Variants in MALRD1 observed in about 807,000 individuals in gnomAD.
MALRD1 encodes the protein MAM and LDL-receptor class A domain-containing protein 1.
MALRD1 carries 247 observed loss-of-function variants against 242.1 expected under a neutral mutation model. The ratio of observed to expected loss-of-function variants is 1.02; its 90% CI spans 0.92 to 1.13. MALRD1 has a LOEUF of 1.13. Ranked by LOEUF, MALRD1 falls within the 50% of genes most tolerant of loss-of-function variation. MALRD1 has a pLI of 0.00. For synonymous variants in MALRD1, 995 were observed against 866.6 expected, an observed-to-expected ratio of 1.15 and a Z score of -2.60; for missense variants, 2,989 against 2,533.1, an observed-to-expected ratio of 1.18 and a Z score of -3.86.
intron 14 of MALRD1, among the ~76,000 whole-genome samples, chr10:19,182,005 G>A (rs1234593477): frequency 2.6e-5 from 4 of 151,972 alleles, no homozygotes; most frequent in African/African-American, 9.7e-5. Context: ...TAGAAAGTAG[G>A]TAAGTCCTCA....
intron 27 of MALRD1, among the ~76,000 whole-genome samples, chr10:19,388,677 C>T (rs967454434): frequency 6.6e-6 from 1 of 152,014 alleles, no homozygotes; most frequent in African/African-American, 2.4e-5. Flanking sequence ...GGGCATGGCT[C>T]ATTTTTGTAG....
At chr10:19,053,005 CT>C (rs1291612127) in intron 1 of MALRD1, among the ~76,000 whole-genome samples, 1 of 152,160 alleles carries the variant, frequency 6.6e-6, no homozygotes, top group Non-Finnish European at 1.5e-5. Flanking sequence ...AATCTCTGAC[CT>C]CCCTTGATTA....
chr10:19,349,280 C>T (rs1442301964), intron 25 of MALRD1, among the ~76,000 whole-genome samples: 2 of 152,292 alleles, frequency 1.3e-5, no homozygotes, highest in African/African-American at 2.4e-5. Flanking sequence ...CTTCTCTGTG[C>T]CTGTGTCCAC....
intron 29 of MALRD1, among the ~76,000 whole-genome samples, chr10:19,456,769 T>A (rs1040310219): frequency 6.7e-6 from 1 of 148,878 alleles, no homozygotes; most frequent in Non-Finnish European, 1.5e-5. Context: ...ATTTATTTAT[T>A]TATTTATTTA....
intron 31 of MALRD1, among the ~76,000 whole-genome samples, chr10:19,528,646 C>G (rs1834204127): frequency 6.6e-6 from 1 of 151,810 alleles, no homozygotes; most frequent in East Asian, 1.9e-4. Context: ...ATTTTGGCAG[C>G]CTTTATAAAG....
At chr10:19,276,375 T>TAGA (rs10687072) in intron 19 of MALRD1, among the ~76,000 whole-genome samples, 81,412 of 151,476 alleles carry the variant, frequency 0.54, 22,274 homozygotes, top group Admixed American at 0.66. Flanking sequence ...GCGATCAAAT[T>TAGA]AGATTATTTT....
intron 5 of MALRD1, among the ~76,000 whole-genome samples, chr10:19,110,150 T>C (rs1836624858): frequency 6.6e-6 from 1 of 152,226 alleles, no homozygotes. Flanking sequence ...TGCTTGTTTA[T>C]TCATTGTTTT....
intron 38 of MALRD1, among the ~76,000 whole-genome samples, chr10:19,714,462 T>C (rs1264510668): frequency 6.6e-6 from 1 of 152,090 alleles, no homozygotes; most frequent in Admixed American, 6.6e-5. Context: ...TGCATGTCTG[T>C]CTGCTAGGGT....
intron 18 of MALRD1, among the ~76,000 whole-genome samples, chr10:19,226,325 C>A (rs544914241): frequency 6.6e-6 from 1 of 152,206 alleles, no homozygotes; most frequent in African/African-American, 2.4e-5. Flanking sequence ...TAGAAAAGTA[C>A]ATTTTCAAAC....
At chr10:19,062,132 A>G (rs1458032690) in intron 1 of MALRD1, among the ~76,000 whole-genome samples, 2 of 152,208 alleles carry the variant, frequency 1.3e-5, no homozygotes, top group African/African-American at 4.8e-5. Flanking sequence ...ACATTTCTCA[A>G]AAAAATACAT....
At chr10:19,314,192 T>C (rs1842542696) in intron 21 of MALRD1, among the ~76,000 whole-genome samples, 1 of 151,572 alleles carries the variant, frequency 6.6e-6, no homozygotes, top group African/African-American at 2.4e-5. Context: ...GTATAACTTA[T>C]AACTTACTGG....
chr10:19,270,671 ATGAC>A (rs1372881004), intron 19 of MALRD1, among the ~76,000 whole-genome samples: 1 of 152,190 alleles, frequency 6.6e-6, no homozygotes, highest in Non-Finnish European at 1.5e-5. Context: ...AATTAGGCTG[ATGAC>A]TGACTGCTTA....
At chr10:19,612,762 C>T (rs553416271) in intron 35 of MALRD1, among the ~76,000 whole-genome samples, 77 of 151,922 alleles carry the variant, frequency 5.1e-4, no homozygotes, top group African/African-American at 1.6e-3. Flanking sequence ...AGAGAGAGAA[C>T]GGGAAGTGCT....
intron 5 of MALRD1, among the ~76,000 whole-genome samples, chr10:19,113,175 A>G (rs1836740180): frequency 6.6e-6 from 1 of 152,008 alleles, no homozygotes; most frequent in African/African-American, 2.4e-5. Flanking sequence ...ACAGACACCT[A>G]TGGCCAGGTC....
chr10:19,151,418 A>T (rs941768541), intron 11 of MALRD1, among the ~76,000 whole-genome samples: 15 of 152,134 alleles, frequency 9.9e-5, no homozygotes, highest in African/African-American at 3.6e-4. Flanking sequence ...TATCATAGCT[A>T]GGAACTTATA....
intron 26 of MALRD1, among the ~76,000 whole-genome samples, chr10:19,371,783 G>T (rs1272961387): frequency 6.6e-6 from 1 of 152,114 alleles, no homozygotes; most frequent in African/African-American, 2.4e-5. Context: ...TGAAACATTT[G>T]TATAATTGTT....
intron 36 of MALRD1, among the ~76,000 whole-genome samples, chr10:19,655,898 T>C (rs1406178379): frequency 6.6e-6 from 1 of 152,066 alleles, no homozygotes; most frequent in African/African-American, 2.4e-5. Flanking sequence ...ATTAAGTGTA[T>C]AGAATTTGAG....
At chr10:19,632,903 G>A (rs944151126) in intron 36 of MALRD1, among the ~76,000 whole-genome samples, 8 of 152,224 alleles carry the variant, frequency 5.3e-5, no homozygotes, top group African/African-American at 1.7e-4. Context: ...GCTCCATTGA[G>A]GCTATGAAAA....
intron 31 of MALRD1, among the ~76,000 whole-genome samples, chr10:19,507,444 G>A (rs2131276425): frequency 6.6e-6 from 1 of 152,158 alleles, no homozygotes. Flanking sequence ...GAAATCTAGT[G>A]TGGAATTAGA....
Sources: allele counts gnomAD v4.1 joint callset (sites outside exome capture counted in the v4.1 genomes callset), GRCh38; gene constraint gnomAD v4.1.1; transcripts MANE v1.5; gene names NCBI Gene and HGNC (gene_info 2026-07-23, HGNC 2026-07-21).